The following ESF1 variants were observed in gnomAD, a reference collection of about 807,000 sequenced individuals.
ESF1 encodes the protein ESF1 homolog.
In ESF1, 58 loss-of-function variants were observed where a neutral mutation model predicts 92.0. The observed-to-expected ratio is 0.63, with a 90% confidence interval of 0.51 to 0.78. The LOEUF (loss-of-function observed/expected upper bound fraction) is 0.78, where lower values mean the gene tolerates loss of function less well. Ranked by LOEUF, ESF1 falls within the 30% of genes least tolerant of loss-of-function variation. ESF1 has a pLI of 0.00. For missense variants in ESF1, 922 were observed against 989.1 expected, an observed-to-expected ratio of 0.93 and a Z score of 0.91; for synonymous variants, 321 against 313.7, an observed-to-expected ratio of 1.02 and a Z score of -0.24.
chr20:13,767,075 A>G (rs1979462376), intron 7 of ESF1, 151 bp from the exon 8 acceptor site: 1 of 696,626 alleles, frequency 1.4e-6, no homozygotes, highest in African/African-American at 1.8e-5. Flanking sequence ...TGATTAATAA[A>G]TAGTATCCTA....
rs891468107 is a variant in ESF1 at position 13,739,186 on chromosome 20, GT to G, written c.1829-5345del. ...CCCAAAGTATGTGATCAATGAACAC[GT>G]TTTTTTTTGTTGCTGATTGTCTAAA... On this transcript the variant is annotated intron_variant, in intron 9 of 13. Transcript: ENST00000617257. 3.3e-5 allele frequency among the ~76,000 whole-genome samples: 5 copies of G among 151,030 alleles called. No individual in the cohort carries two copies. The East Asian group carries it at 5.8e-4, about 18-fold the overall frequency.
chr20:13,779,629 G>T (rs548936623), intron 2 of ESF1, among the ~76,000 whole-genome samples: 4 of 152,270 alleles, frequency 2.6e-5, no homozygotes, highest in Admixed American at 2.6e-4. Flanking sequence ...CTACCTCCTG[G>T]GTTCAAGTGA....
intron 9 of ESF1, among the ~76,000 whole-genome samples, chr20:13,747,325 C>T (rs1168765222): frequency 6.6e-6 from 1 of 150,916 alleles, no homozygotes; most frequent in Non-Finnish European, 1.5e-5. Flanking sequence ...TTTTGAGAGG[C>T]TGAGGCAGGC....
intron 7 of ESF1, among the ~76,000 whole-genome samples, chr20:13,769,470 T>C (rs1377970105): frequency 6.6e-6 from 1 of 152,232 alleles, no homozygotes; most frequent in Non-Finnish European, 1.5e-5. Context: ...CATTTCTCTC[T>C]GTACCCATGC....
intron 9 of ESF1, among the ~76,000 whole-genome samples, chr20:13,757,411 T>C (rs1023124967): frequency 2.0e-5 from 3 of 152,170 alleles, no homozygotes; most frequent in Non-Finnish European, 4.4e-5. Flanking sequence ...TTTGTTTGTT[T>C]GTTTGAGACA....
At chr20:13,759,980 C>T in intron 8 of ESF1, 127 bp from the exon 9 acceptor site, 1 of 1,378,444 alleles carries the variant, frequency 7.3e-7, no homozygotes, top group Non-Finnish European at 9.4e-7. Flanking sequence ...ACTTAAATTT[C>T]TGAATATTAA....
intron 10 of ESF1, among the ~76,000 whole-genome samples, chr20:13,732,503 T>C (rs1004551555): frequency 5.9e-5 from 9 of 152,174 alleles, no homozygotes; most frequent in Admixed American, 3.3e-4. Flanking sequence ...AAAAGCATTA[T>C]AAGAACACAC....
At chr20:13,751,277 C>T (rs1049444668) in intron 9 of ESF1, among the ~76,000 whole-genome samples, 2 of 152,172 alleles carry the variant, frequency 1.3e-5, no homozygotes, top group African/African-American at 4.8e-5. Context: ...AATAGAATAG[C>T]GAAAGTTTTG....
At chr20:13,732,627 A>AT (rs979715604) in intron 10 of ESF1, among the ~76,000 whole-genome samples, 10 of 151,956 alleles carry the variant, frequency 6.6e-5, no homozygotes, top group Non-Finnish European at 1.2e-4. Flanking sequence ...TAATCAGCTA[A>AT]TTTTTTTTAC....
At chr20:13,742,468 C>T (rs544306252) in intron 9 of ESF1, among the ~76,000 whole-genome samples, 1 of 151,352 alleles carries the variant, frequency 6.6e-6, no homozygotes, top group East Asian at 1.9e-4. Flanking sequence ...GAGACTCTGT[C>T]TCAAAAAGAA....
intron 9 of ESF1, among the ~76,000 whole-genome samples, chr20:13,747,853 C>T (rs894426074): frequency 8.5e-5 from 13 of 152,106 alleles, no homozygotes; most frequent in African/African-American, 2.9e-4. Flanking sequence ...TATACTTATA[C>T]AAACCTAGAT....
At chr20:13,736,318 A>G (rs2049975087) in intron 9 of ESF1, among the ~76,000 whole-genome samples, 3 of 152,164 alleles carry the variant, frequency 2.0e-5, no homozygotes, top group Admixed American at 2.0e-4. Context: ...CTTGGGGGGC[A>G]AAATTACCTC....
rs1377060746 is a variant in ESF1, at chr20:13,748,542, G to GTGTATATATATATA, written c.1828+11149_1828+11150insTATATATATATACA. 1.3e-3 allele frequency among the ~76,000 whole-genome samples: 68 copies of GTGTATATATATATA among 50,696 alleles called. 1 individual carries two copies. Among genetic ancestry groups the GTGTATATATATATA allele is most frequent in the African/African-American group, 6.2e-3 (65 of 10,414 alleles). 33.3% of individuals were successfully genotyped at this position (50,696 alleles called of 152,430 possible). On this transcript the variant is annotated intron_variant, in intron 9 of 13. Transcript: ENST00000617257. ...CACATATATATATACACATATATATGTGTGTGTATATATATATATATATGT... is the reference window on the plus strand; with the variant it reads ...CACATATATATATACACATATATATGTGTATATATATATATGTGTGTATATATATATATATATGT...
chr20:13,722,518 T>C (rs1448403988), intron 11 of ESF1, among the ~76,000 whole-genome samples: 2 of 152,310 alleles, frequency 1.3e-5, no homozygotes, highest in South Asian at 2.1e-4. Context: ...TTCTAAAATA[T>C]TGTCTTTATT....
At chr20:13,739,898 C>T (rs905574213) in intron 9 of ESF1, among the ~76,000 whole-genome samples, 3 of 151,996 alleles carry the variant, frequency 2.0e-5, no homozygotes. Context: ...TGGGAGGTCC[C>T]AGCAGAGACC....
At chr20:13,730,727 A>G (rs1344934778) in intron 10 of ESF1, among the ~76,000 whole-genome samples, 5 of 150,022 alleles carry the variant, frequency 3.3e-5, no homozygotes, top group African/African-American at 1.2e-4. Context: ...TTACCAAACT[A>G]TTTTATGGAT....
chr20:13,746,066 G>A (rs1387880868), intron 9 of ESF1, among the ~76,000 whole-genome samples: 1 of 152,090 alleles, frequency 6.6e-6, no homozygotes, highest in East Asian at 1.9e-4. Flanking sequence ...CTGGGCTCAA[G>A]AGATTCTCAA....
Position 13,748,886 on chromosome 20 carries a change from C to A in ESF1, c.1828+10806G>T, listed in dbSNP as rs375909415. Among the ~76,000 whole-genome samples, 30 of 151,796 alleles carry A rather than the reference C, an allele frequency of 2.0e-4. No individual in the cohort carries two copies. The South Asian group carries it at 2.5e-3, about 13-fold the overall frequency. Reference sequence around the variant, plus strand: ...AAAGGCGTGAGCCACCATGCCCAGCCCCTCAAAGGCTATTTTAAAATGTAA... The same window carrying A: ...AAAGGCGTGAGCCACCATGCCCAGCACCTCAAAGGCTATTTTAAAATGTAA... On this transcript the variant is annotated intron_variant, in intron 9 of 13. Coordinates refer to ENST00000617257, the MANE Select transcript of ESF1 (RefSeq NM_001276380.2).
intron 10 of ESF1, among the ~76,000 whole-genome samples, chr20:13,728,866 CA>C (rs34325780): frequency 3.1e-4 from 43 of 137,952 alleles, no homozygotes; most frequent in East Asian, 1.3e-3. Flanking sequence ...GACTCCATCT[CA>C]AAAAAAAAAA....
Sources: gnomAD v4.1 joint callset for allele counts (sites outside exome capture counted in the v4.1 genomes callset) on GRCh38, gnomAD v4.1.1 for gene constraint, MANE v1.5 for transcripts, NCBI Gene and HGNC (gene_info 2026-07-23, HGNC 2026-07-21) for gene names.